The following INPP5A variants were observed in gnomAD, a reference collection of about 807,000 sequenced individuals.
INPP5A encodes inositol polyphosphate-5-phosphatase A.
INPP5A carries 14 observed loss-of-function variants against 65.2 expected under a neutral mutation model. That is an observed-to-expected ratio of 0.21 (90% CI 0.14 to 0.34). The LOEUF (loss-of-function observed/expected upper bound fraction) is 0.34, where lower values mean the gene tolerates loss of function less well. INPP5A is among the 10% of genes least tolerant of loss of function. The pLI is 1.00. For missense variants in INPP5A, 431 were observed against 545.6 expected (o/e 0.79, Z 2.09); for synonymous variants, 207 against 208.3 (o/e 0.99, Z 0.05).
chr10:132,568,494 G>T (rs2071299177), intron 1 of INPP5A, among the ~76,000 whole-genome samples: 1 of 152,042 alleles, frequency 6.6e-6, no homozygotes, highest in Admixed American at 6.5e-5. Flanking sequence ...GGATTACTGG[G>T]AGGCTGGTAA....
chr10:132,600,164 A>G (rs574658683), intron 1 of INPP5A, among the ~76,000 whole-genome samples: 2 of 152,316 alleles, frequency 1.3e-5, no homozygotes, highest in East Asian at 1.9e-4. Flanking sequence ...TCTCTATCAC[A>G]TATTCAGGCT....
chr10:132,613,714 G>A (rs1010792192), intron 2 of INPP5A, among the ~76,000 whole-genome samples: 1 of 152,306 alleles, frequency 6.6e-6, no homozygotes, highest in Non-Finnish European at 1.5e-5. Flanking sequence ...CCAGTTCAGC[G>A]GCTGCACTGA....
At chr10:132,566,840 T>G (rs1483203516) in intron 1 of INPP5A, among the ~76,000 whole-genome samples, 2 of 152,212 alleles carry the variant, frequency 1.3e-5, no homozygotes, top group Admixed American at 6.5e-5. Context: ...AATTAACAAT[T>G]TAACAAGAGA....
chr10:132,734,361 G>A (rs1027042257), intron 9 of INPP5A, among the ~76,000 whole-genome samples: 3 of 152,196 alleles, frequency 2.0e-5, no homozygotes, highest in Admixed American at 6.5e-5. Context: ...CATTTTCCTC[G>A]TACAGCTTTC....
At chr10:132,739,142 T>A (rs1438333303) in intron 9 of INPP5A, among the ~76,000 whole-genome samples, 1 of 152,156 alleles carries the variant, frequency 6.6e-6, no homozygotes, top group Non-Finnish European at 1.5e-5. Context: ...TCAGATTCCA[T>A]CTGGGATGGT....
intron 6 of INPP5A, among the ~76,000 whole-genome samples, chr10:132,699,805 C>A (rs1160860024): frequency 6.6e-6 from 1 of 152,214 alleles, no homozygotes; most frequent in East Asian, 1.9e-4. Context: ...GCCACTCTGG[C>A]CAGCGGGACC....
chr10:132,780,045 G>A (rs1847133925), intron 13 of INPP5A, among the ~76,000 whole-genome samples: 1 of 152,276 alleles, frequency 6.6e-6, no homozygotes, highest in Non-Finnish European at 1.5e-5. Context: ...CCCGCGAGAG[G>A]CGGGAAGGTG....
intron 13 of INPP5A, among the ~76,000 whole-genome samples, chr10:132,779,257 C>T (rs1565016301): frequency 6.6e-6 from 1 of 152,380 alleles, no homozygotes; most frequent in East Asian, 1.9e-4. Flanking sequence ...TGGCTGGGCT[C>T]ACTGGTAGGC....
chr10:132,778,329 T>C (rs1847099593), intron 13 of INPP5A, among the ~76,000 whole-genome samples: 1 of 123,928 alleles, frequency 8.1e-6, no homozygotes, highest in African/African-American at 2.8e-5. Context: ...TTTTTTTTTT[T>C]TTTACAAAAG....
At position 132,646,961 on chromosome 10, in the gene INPP5A, A is replaced by G. The variant is rs541539984; in HGVS notation, c.218+993A>G. Among the ~76,000 whole-genome samples the G allele has an allele frequency of 1.6e-4, 24 of 152,318 alleles. No homozygotes were observed. In the East Asian group the frequency reaches 4.4e-3, roughly 28 times the overall value. ...CCAGTGTGAGTGTGAGCGAGGCTTC[A>G]GGCGATCCCAGCCGCTGCATCCTTG... On this transcript the variant is annotated intron_variant, in intron 3 of 15. Transcript: ENST00000368594.
intron 8 of INPP5A, among the ~76,000 whole-genome samples, chr10:132,714,688 TAA>T (rs1245046342): frequency 6.6e-6 from 1 of 151,650 alleles, no homozygotes; most frequent in Non-Finnish European, 1.5e-5. Context: ...ACCGTTGCTC[TAA>T]ACCTAAACGC....
chr10:132,726,857 T>C lies in INPP5A; in HGVS notation c.684T>C (p.Phe228=). The C allele has an allele frequency of 6.2e-7, 1 of 1,610,094 alleles. No individual in the cohort carries two copies. Among genetic ancestry groups the C allele is most frequent in the Admixed American group, 1.7e-5 (1 of 59,696 alleles). ...AGCGATTCGAGAAGGTTTCCTACTT[T>C]GTATTTGGTGATTTCAACTTCCGGC... is the stretch of plus-strand genomic sequence containing the variant. The part of the protein sequence containing the change: ...IDQRFEKVSY[F]VFGDFNFRLD... The change falls in exon 9 of 16, where the codon TTT becomes TTC. Residue 228 remains phenylalanine (F), a synonymous_variant. Coordinates refer to ENST00000368594, the MANE Select transcript of INPP5A (RefSeq NM_005539.5).
chr10:132,718,761 G>A (rs1317217386), intron 8 of INPP5A, among the ~76,000 whole-genome samples: 3 of 149,526 alleles, frequency 2.0e-5, no homozygotes, highest in Non-Finnish European at 4.5e-5. Context: ...TTAGACGACT[G>A]TCTTCAGGGT....
At chr10:132,608,613 G>A (rs1192001976) in intron 2 of INPP5A, among the ~76,000 whole-genome samples, 1 of 152,202 alleles carries the variant, frequency 6.6e-6, no homozygotes, top group African/African-American at 2.4e-5. Flanking sequence ...TCTGAGGACT[G>A]GGTGCATGGG....
At chr10:132,597,182 C>T (rs912513316) in intron 1 of INPP5A, among the ~76,000 whole-genome samples, 1 of 152,256 alleles carries the variant, frequency 6.6e-6, no homozygotes, top group Non-Finnish European at 1.5e-5. Context: ...TGTGCGTATG[C>T]ACATGCACTT....
intron 4 of INPP5A, among the ~76,000 whole-genome samples, chr10:132,673,296 A>C (rs1218115724): frequency 6.6e-6 from 1 of 152,216 alleles, no homozygotes; most frequent in Non-Finnish European, 1.5e-5. Flanking sequence ...GTAATGTTGC[A>C]GGAACAGGAA....
chr10:132,564,456 C>T (rs906361643), intron 1 of INPP5A, among the ~76,000 whole-genome samples: 1 of 152,080 alleles, frequency 6.6e-6, no homozygotes, highest in African/African-American at 2.4e-5. Context: ...TCTCCCAGAG[C>T]CCCTGGCTGC....
At chr10:132,737,943 G>A (rs549456426) in intron 9 of INPP5A, among the ~76,000 whole-genome samples, 120 of 152,254 alleles carry the variant, frequency 7.9e-4, no homozygotes, top group African/African-American at 2.8e-3. Flanking sequence ...AGTTCACTTT[G>A]CAAATATTAC....
intron 12 of INPP5A, among the ~76,000 whole-genome samples, chr10:132,775,953 G>A (rs936845905): frequency 2.6e-5 from 4 of 152,206 alleles, no homozygotes; most frequent in Non-Finnish European, 4.4e-5. Context: ...TGTGCTGTGT[G>A]CATGTGTGTC....
Sources: gnomAD v4.1 joint callset for allele counts (sites outside exome capture counted in the v4.1 genomes callset) on GRCh38, gnomAD v4.1.1 for gene constraint, MANE v1.5 for transcripts, NCBI Gene and HGNC (gene_info 2026-07-23, HGNC 2026-07-21) for gene names.